Variants in MEF2C observed in about 807,000 individuals in gnomAD.
The protein encoded by MEF2C is myocyte enhancer factor 2C.
A neutral mutation model predicts 50.5 loss-of-function variants in MEF2C; 6 were observed. The ratio of observed to expected loss-of-function variants is 0.12; its 90% CI spans 0.07 to 0.23. The LOEUF is 0.23. MEF2C is among the 10% of genes least tolerant of loss of function. The pLI, the probability that MEF2C is intolerant of heterozygous loss-of-function variation, is 1.00. For synonymous variants in MEF2C, 183 were observed against 228.0 expected (o/e 0.80, Z 1.78); for missense variants, 276 against 605.0 (o/e 0.46, Z 5.70).
chr5:88,900,522 A>G (rs1340363313), intron 1 of MEF2C, among the ~76,000 whole-genome samples: 2 of 151,862 alleles, frequency 1.3e-5, no homozygotes, highest in African/African-American at 4.8e-5. Context: ...ATTCATAAAT[A>G]TTTCCAGTTT....
At chr5:88,895,175 T>A (rs1399796764) in intron 1 of MEF2C, among the ~76,000 whole-genome samples, 1 of 152,234 alleles carries the variant, frequency 6.6e-6, no homozygotes, top group Non-Finnish European at 1.5e-5. Flanking sequence ...AAAAGATGTT[T>A]TCTTTTCTGT....
chr5:88,809,001 A>G (rs761295470), intron 2 of MEF2C, among the ~76,000 whole-genome samples: 20 of 152,160 alleles, frequency 1.3e-4, no homozygotes, highest in Admixed American at 2.6e-4. Flanking sequence ...TATTTACATA[A>G]GTCAACATGT....
chr5:88,757,276 A>G (rs1241243946), intron 4 of MEF2C, among the ~76,000 whole-genome samples: 2 of 152,252 alleles, frequency 1.3e-5, no homozygotes, highest in Non-Finnish European at 2.9e-5. Context: ...TAAAATAGTT[A>G]AAGTAAAATA....
intron 2 of MEF2C, among the ~76,000 whole-genome samples, chr5:88,817,567 A>G (rs909931855): frequency 6.6e-6 from 1 of 152,012 alleles, no homozygotes. Flanking sequence ...CTCCTGTTCT[A>G]TTAACAGAAT....
At chr5:88,877,740 G>A (rs1434209750) in intron 1 of MEF2C, among the ~76,000 whole-genome samples, 1 of 151,834 alleles carries the variant, frequency 6.6e-6, no homozygotes, top group African/African-American at 2.4e-5. Context: ...AATTATTACA[G>A]TGTACTTTAC....
chr5:88,739,520 C>G (rs1396691600), intron 6 of MEF2C: 1 of 978,912 alleles, frequency 1.0e-6, no homozygotes, highest in African/African-American at 1.8e-5. Context: ...AATGAACATA[C>G]ATCTTTTTAT....
At position 88,722,491 on chromosome 5, in the gene MEF2C, T is replaced by C; in HGVS notation, c.*113A>G. 1 of 962,962 alleles carries C rather than the reference T, an allele frequency of 1.0e-6. No individual in the cohort carries two copies. The highest frequency in any genetic ancestry group is 1.6e-6 in the Non-Finnish European group (1 of 645,068). 59.7% of individuals were successfully genotyped at this position (962,962 alleles called of 1,614,324 possible). A position where few individuals can be genotyped will look rare whatever the true frequency, so the allele number is the denominator to read the frequency against. On this transcript the variant is annotated 3_prime_UTR_variant, in exon 11 of 11. Coordinates refer to ENST00000504921, the MANE Select transcript of MEF2C (RefSeq NM_002397.5). ...TTTTACAAAACAGAGTACCTGACTT[T>C]TTTTTTTTCCACACACGGCACATAT... is the stretch of plus-strand genomic sequence containing the variant.
intron 1 of MEF2C, among the ~76,000 whole-genome samples, chr5:88,869,742 C>T (rs980065524): frequency 2.7e-5 from 4 of 149,260 alleles, no homozygotes; most frequent in Non-Finnish European, 4.5e-5. Context: ...TAAGAACAGT[C>T]AATAGAAATA....
chr5:88,838,509 T>C, intron 1 of MEF2C: 1 of 939,744 alleles, frequency 1.1e-6, no homozygotes, highest in Non-Finnish European at 1.3e-6. Flanking sequence ...TTCCTGATAA[T>C]GGGTCAGGAG....
intron 1 of MEF2C, among the ~76,000 whole-genome samples, chr5:88,828,436 G>C (rs1811803779): frequency 6.6e-6 from 1 of 151,826 alleles, no homozygotes; most frequent in Admixed American, 6.6e-5. Flanking sequence ...AGATCTTTTT[G>C]ATTGACTTAC....
intron 5 of MEF2C, 109 bp from the exon 6 acceptor site, chr5:88,749,226 T>C: frequency 1.5e-6 from 2 of 1,317,638 alleles, no homozygotes; most frequent in Non-Finnish European, 2.0e-6. Context: ...AGTCATAAAC[T>C]TGTAAAGTAC....
chr5:88,768,726 C>A, intron 3 of MEF2C: 1 of 983,640 alleles, frequency 1.0e-6, no homozygotes, highest in Non-Finnish European at 1.2e-6. Flanking sequence ...AGTCTCAGTG[C>A]AGTATTTTGC....
At chr5:88,799,905 CACACACACAG>C (rs1350030854) in intron 3 of MEF2C, among the ~76,000 whole-genome samples, 3 of 104,510 alleles carry the variant, frequency 2.9e-5, no homozygotes, top group East Asian at 6.6e-4. Flanking sequence ...CACACACACA[CACACACACAG>C]AGAGAGAGAC....
intron 3 of MEF2C, among the ~76,000 whole-genome samples, chr5:88,802,105 C>T (rs554373220): frequency 2.0e-5 from 3 of 152,326 alleles, no homozygotes; most frequent in Non-Finnish European, 2.9e-5. Context: ...CCAAAAGCCT[C>T]GAAGTGTCTT....
chr5:88,758,498 A>G (rs1001964243), intron 4 of MEF2C, among the ~76,000 whole-genome samples: 1 of 152,154 alleles, frequency 6.6e-6, no homozygotes. Flanking sequence ...TGCAATATTA[A>G]ATTTTCTGTT....
chr5:88,883,222 T>A (rs546767730), upstream of MEF2C: 16 of 127,538 alleles, frequency 1.3e-4, no homozygotes, highest in African/African-American at 4.5e-4. Context: ...GATGTGTGCG[T>A]GTGTGCGCGC....
At chr5:88,736,104 GA>G in intron 6 of MEF2C, 1 of 985,290 alleles carries the variant, frequency 1.0e-6, no homozygotes, top group Non-Finnish European at 1.2e-6. Flanking sequence ...CATATCCAAT[GA>G]GATACCAAAT....
At chr5:88,798,910 G>C (rs1350219999) in intron 3 of MEF2C, among the ~76,000 whole-genome samples, 1 of 152,172 alleles carries the variant, frequency 6.6e-6, no homozygotes. Flanking sequence ...CTCTGCTGCA[G>C]GTCTGCTGGA....
intron 1 of MEF2C, among the ~76,000 whole-genome samples, chr5:88,878,553 G>GT (rs1831822184): frequency 6.6e-6 from 1 of 151,914 alleles, no homozygotes; most frequent in Non-Finnish European, 1.5e-5. Context: ...TGGATATTGT[G>GT]TTCTAACACG....
Sources: gnomAD v4.1 joint callset for allele counts (sites outside exome capture counted in the v4.1 genomes callset) on GRCh38, gnomAD v4.1.1 for gene constraint, MANE v1.5 for transcripts, NCBI Gene and HGNC (gene_info 2026-07-23, HGNC 2026-07-21) for gene names.